Variants in MARCHF1 observed in about 807,000 individuals in gnomAD.
MARCHF1 encodes membrane associated ring-CH-type finger 1.
Under a neutral mutation model 54.2 loss-of-function variants are expected in MARCHF1, and 40 were observed. The ratio of observed to expected loss-of-function variants is 0.74; its 90% CI spans 0.57 to 0.96. MARCHF1 has a LOEUF of 0.96. MARCHF1 is among the 40% of genes least tolerant of loss of function. The pLI is 0.00. For synonymous variants in MARCHF1, 236 were observed against 236.3 expected (o/e 1.00, Z 0.01); for missense variants, 586 against 656.5 (o/e 0.89, Z 1.17).
At chr4:164,207,827 G>A (rs1259365310) in intron 1 of MARCHF1, among the ~76,000 whole-genome samples, 1 of 152,200 alleles carries the variant, frequency 6.6e-6, no homozygotes, top group Non-Finnish European at 1.5e-5. Context: ...GGAGGGTGGA[G>A]AGTGGGAGGA....
intron 3 of MARCHF1, among the ~76,000 whole-genome samples, chr4:163,978,889 T>A (rs1320765866): frequency 6.6e-6 from 1 of 151,980 alleles, no homozygotes; most frequent in Non-Finnish European, 1.5e-5. Context: ...GCATGGATAA[T>A]TTTTGTTTTG....
chr4:164,134,537 G>C (rs1002523667), intron 1 of MARCHF1, among the ~76,000 whole-genome samples: 5 of 152,090 alleles, frequency 3.3e-5, no homozygotes, highest in Admixed American at 6.6e-5. Flanking sequence ...CATGTCTCCT[G>C]CTAATTTGAA....
chr4:163,781,370 A>C (rs1025014388), intron 4 of MARCHF1, among the ~76,000 whole-genome samples: 1 of 152,086 alleles, frequency 6.6e-6, no homozygotes, highest in Non-Finnish European at 1.5e-5. Flanking sequence ...CAGAGAGAAA[A>C]CTATTGACCT....
intron 2 of MARCHF1, among the ~76,000 whole-genome samples, chr4:164,100,627 A>G (rs11942059): frequency 0.84 from 127,776 of 152,198 alleles, 54,144 homozygotes; most frequent in Non-Finnish European, 0.89. Flanking sequence ...AGTCATGAAT[A>G]AAAAATGTCT....
intron 1 of MARCHF1, among the ~76,000 whole-genome samples, chr4:164,335,194 T>C (rs1333614455): frequency 1.3e-5 from 2 of 152,200 alleles, no homozygotes; most frequent in Non-Finnish European, 2.9e-5. Context: ...TTGAAAGTTT[T>C]AATTTGGTTA....
intron 1 of MARCHF1, among the ~76,000 whole-genome samples, chr4:164,112,916 A>G (rs879292190): frequency 6.7e-6 from 1 of 148,654 alleles, no homozygotes; most frequent in Non-Finnish European, 1.5e-5. Context: ...TAAATTATGT[A>G]TTACAATTTT....
At chr4:164,287,794 A>T (rs954655946) in intron 1 of MARCHF1, among the ~76,000 whole-genome samples, 1 of 152,198 alleles carries the variant, frequency 6.6e-6, no homozygotes, top group African/African-American at 2.4e-5. Flanking sequence ...TCGAATAGTT[A>T]TTCTTTAGAA....
chr4:163,710,008 G>A lies in MARCHF1; in HGVS notation c.112-9145C>T, dbSNP rs527928788. Among the ~76,000 whole-genome samples the A allele has an allele frequency of 3.1e-4, 47 of 152,212 alleles. 1 individual carries two copies. In the South Asian group the frequency reaches 8.3e-3, roughly 27 times the overall value. On this transcript the variant is annotated intron_variant, in intron 4 of 9. Coordinates refer to ENST00000514618, the MANE Select transcript of MARCHF1 (RefSeq NM_001394959.1). ...CATTTATTATTAAATTTTGCACTACGTAGAATTTTCTACAAACACTCCAAA... is the reference window on the plus strand; with the variant it reads ...CATTTATTATTAAATTTTGCACTACATAGAATTTTCTACAAACACTCCAAA...
intron 2 of MARCHF1, among the ~76,000 whole-genome samples, chr4:164,032,181 C>A (rs1753891517): frequency 6.6e-6 from 1 of 151,978 alleles, no homozygotes. Context: ...TGGTGATATC[C>A]CCTTTAGCAT....
intron 3 of MARCHF1, among the ~76,000 whole-genome samples, chr4:163,888,227 T>C (rs931205087): frequency 2.0e-5 from 3 of 152,060 alleles, no homozygotes; most frequent in Non-Finnish European, 4.4e-5. Flanking sequence ...GGAGTAAAGA[T>C]GAAATGGCCC....
intron 8 of MARCHF1, among the ~76,000 whole-genome samples, chr4:163,551,845 C>T (rs1284971106): frequency 6.6e-6 from 1 of 152,142 alleles, no homozygotes; most frequent in Admixed American, 6.5e-5. Context: ...CTTTCACTGT[C>T]TGCCATGATT....
intron 4 of MARCHF1, among the ~76,000 whole-genome samples, chr4:163,778,768 G>A (rs540914894): frequency 3.9e-4 from 60 of 152,102 alleles, no homozygotes; most frequent in Non-Finnish European, 4.7e-4. Context: ...AATACCACAT[G>A]TTCTCACTTA....
intron 2 of MARCHF1, among the ~76,000 whole-genome samples, chr4:164,069,721 A>G (rs773099456): frequency 6.6e-6 from 1 of 152,200 alleles, no homozygotes; most frequent in East Asian, 1.9e-4. Flanking sequence ...TCTTGAAGTC[A>G]GTGAGACCAA....
chr4:164,074,465 TAA>T (rs1336351529), intron 2 of MARCHF1, among the ~76,000 whole-genome samples: 2 of 152,210 alleles, frequency 1.3e-5, no homozygotes, highest in African/African-American at 4.8e-5. Context: ...TGATTCACTC[TAA>T]GTCGGGAAAT....
intron 1 of MARCHF1, among the ~76,000 whole-genome samples, chr4:164,298,640 C>T (rs146671823): frequency 0.015 from 2,247 of 152,174 alleles, 150 homozygotes; most frequent in Admixed American, 0.12. Flanking sequence ...CAAGACTACA[C>T]TCAACTCCTA....
intron 5 of MARCHF1, among the ~76,000 whole-genome samples, chr4:163,669,603 T>TC: frequency 4.8e-5 from 1 of 20,730 alleles, no homozygotes; most frequent in East Asian, 8.1e-4. Context: ...ATGTTTATCT[T>TC]TTTTTTTTTT....
At chr4:163,976,367 G>A (rs1449594318) in intron 3 of MARCHF1, among the ~76,000 whole-genome samples, 1 of 152,158 alleles carries the variant, frequency 6.6e-6, no homozygotes, top group Non-Finnish European at 1.5e-5. Context: ...ATGACAAAAT[G>A]AGGTGATACT....
At chr4:163,932,594 G>T in intron 3 of MARCHF1, 1 of 385,048 alleles carries the variant, frequency 2.6e-6, no homozygotes, top group Non-Finnish European at 5.1e-6. Flanking sequence ...GTACCTGCAT[G>T]AAGGCCATGA....
intron 3 of MARCHF1, among the ~76,000 whole-genome samples, chr4:163,907,587 C>T (rs1579383387): frequency 6.6e-6 from 1 of 152,036 alleles, no homozygotes; most frequent in African/African-American, 2.4e-5. Context: ...AAACTTTCTA[C>T]AATAACTTCT....
Sources: gnomAD v4.1 joint callset for allele counts (sites outside exome capture counted in the v4.1 genomes callset) on GRCh38, gnomAD v4.1.1 for gene constraint, MANE v1.5 for transcripts, NCBI Gene and HGNC (gene_info 2026-07-23, HGNC 2026-07-21) for gene names.